TMEM267: variants seen among roughly 807,000 people sequenced by gnomAD.
TMEM267 encodes transmembrane protein 267.
A neutral mutation model predicts 19.3 loss-of-function variants in TMEM267; 20 were observed. The ratio of observed to expected loss-of-function variants is 1.04; its 90% CI spans 0.73 to 1.51. The LOEUF (loss-of-function observed/expected upper bound fraction) is 1.51, where lower values mean the gene tolerates loss of function less well. Ranked by LOEUF, TMEM267 falls within the 40% of genes most tolerant of loss-of-function variation. The pLI is 0.00. For synonymous variants in TMEM267, 88 were observed against 90.3 expected, an observed-to-expected ratio of 0.97 and a Z score of 0.15; for missense variants, 242 against 261.9, an observed-to-expected ratio of 0.92 and a Z score of 0.52.
intron 1 of TMEM267, among the ~76,000 whole-genome samples, chr5:43,483,157 A>G (rs1744895824): frequency 6.6e-6 from 1 of 152,248 alleles, no homozygotes; most frequent in African/African-American, 2.4e-5. Flanking sequence ...ACTAACTGAC[A>G]AAGGAAACAC....
At chr5:43,480,797 CTTTTTTTTTTTTT>C (rs869260304) in intron 1 of TMEM267, among the ~76,000 whole-genome samples, 1 of 79,582 alleles carries the variant, frequency 1.3e-5, no homozygotes, top group Non-Finnish European at 2.3e-5. Flanking sequence ...AATAATCTTA[CTTTTTTTTTTTTT>C]TTTTTTTTTT....
intron 1 of TMEM267, among the ~76,000 whole-genome samples, chr5:43,477,157 AC>A (rs1744476098): frequency 6.6e-6 from 1 of 152,080 alleles, no homozygotes; most frequent in Non-Finnish European, 1.5e-5. Flanking sequence ...GCCCTACTGC[AC>A]TCCAGCCTAA....
chr5:43,458,952 GA>G (rs1743103163), intron 1 of TMEM267, among the ~76,000 whole-genome samples: 1 of 149,142 alleles, frequency 6.7e-6, no homozygotes, highest in Admixed American at 6.7e-5. Context: ...GTTGGGCATT[GA>G]AAAAAAATTT....
chr5:43,467,269 T>C (rs960850061), intron 1 of TMEM267, among the ~76,000 whole-genome samples: 5 of 151,884 alleles, frequency 3.3e-5, no homozygotes, highest in Non-Finnish European at 7.4e-5. Context: ...ATGGACTAAA[T>C]TCTCTAATCA....
chr5:43,446,395 C>A lies in TMEM267; in HGVS notation c.475G>T (p.Asp159Tyr). ...ATCCACAAACCATGACGAATCCCAT[C>A]TCGGATATGATGTGAAGTCCAGGAT... The part of the protein sequence containing the change: ...FISWTSHHIR[D>Y]GIRHGLWICP... Residue 159 changes from aspartate (D) to tyrosine (Y), a missense_variant, in exon 3 of 3, where the codon GAT becomes TAT. By Grantham distance (160) the Asp-to-Tyr change is radical. Coordinates refer to ENST00000397080, the MANE Select transcript of TMEM267 (RefSeq NM_022483.5). 6.2e-7 allele frequency: 1 copy of A among 1,614,114 alleles called. No individual in the cohort carries two copies. Among genetic ancestry groups the A allele is most frequent in the Non-Finnish European group, 8.5e-7 (1 of 1,179,994 alleles).
At chr5:43,471,119 C>T (rs529170829) in intron 1 of TMEM267, among the ~76,000 whole-genome samples, 2 of 151,660 alleles carry the variant, frequency 1.3e-5, no homozygotes, top group East Asian at 3.9e-4. Flanking sequence ...AAGCAACATA[C>T]AAAAGTCACT....
intron 2 of TMEM267, among the ~76,000 whole-genome samples, chr5:43,449,546 A>G (rs1371231202): frequency 6.6e-6 from 1 of 152,242 alleles, no homozygotes; most frequent in East Asian, 1.9e-4. Context: ...AAGACAATTT[A>G]GTAGAGCTAT....
At chr5:43,469,987 T>C (rs1743966515) in intron 1 of TMEM267, among the ~76,000 whole-genome samples, 2 of 152,142 alleles carry the variant, frequency 1.3e-5, no homozygotes, top group South Asian at 4.1e-4. Context: ...TATGTAAAAA[T>C]GCAGATTCAC....
At chr5:43,481,792 G>C (rs943117217) in intron 1 of TMEM267, among the ~76,000 whole-genome samples, 9 of 152,064 alleles carry the variant, frequency 5.9e-5, no homozygotes, top group Non-Finnish European at 1.2e-4. Flanking sequence ...AGAACCGCCA[G>C]CTAAGTCTTG....
intron 2 of TMEM267, among the ~76,000 whole-genome samples, chr5:43,448,795 CA>C (rs200879598): frequency 0.015 from 2,155 of 148,614 alleles, 46 homozygotes; most frequent in African/African-American, 0.046. Flanking sequence ...CCCCCCCCCA[CA>C]AAAAAAACTA....
intron 2 of TMEM267, among the ~76,000 whole-genome samples, chr5:43,452,921 T>C (rs1256039873): frequency 6.6e-6 from 1 of 152,228 alleles, no homozygotes; most frequent in Admixed American, 6.5e-5. Context: ...CCTTGCTCTA[T>C]GAGTTTAGAT....
At chr5:43,456,859 T>C (rs1742982975) in intron 1 of TMEM267, among the ~76,000 whole-genome samples, 1 of 152,242 alleles carries the variant, frequency 6.6e-6, no homozygotes, top group South Asian at 2.1e-4. Flanking sequence ...AAGTTAAACG[T>C]ACTCTTACCA....
chr5:43,458,770 C>T (rs1325306767), intron 1 of TMEM267, among the ~76,000 whole-genome samples: 5 of 151,840 alleles, frequency 3.3e-5, no homozygotes, highest in Non-Finnish European at 7.4e-5. Context: ...AATATGAAAA[C>T]AAGAAACTAT....
intron 1 of TMEM267, among the ~76,000 whole-genome samples, chr5:43,482,538 T>C (rs1744849807): frequency 6.6e-6 from 1 of 152,232 alleles, no homozygotes; most frequent in African/African-American, 2.4e-5. Flanking sequence ...TCTTTTAAAC[T>C]TGTCATGTTT....
At chr5:43,451,455 T>G (rs1742583340) in intron 2 of TMEM267, among the ~76,000 whole-genome samples, 1 of 151,996 alleles carries the variant, frequency 6.6e-6, no homozygotes. Context: ...TGAACAGACA[T>G]TTTTCAAAAG....
At chr5:43,451,786 T>A (rs922348578) in intron 2 of TMEM267, among the ~76,000 whole-genome samples, 2 of 152,144 alleles carry the variant, frequency 1.3e-5, no homozygotes, top group African/African-American at 2.4e-5. Context: ...ATAAAAAACT[T>A]AATCATTGCC....
intron 1 of TMEM267, among the ~76,000 whole-genome samples, chr5:43,466,619 C>CG (rs956808138): frequency 5.9e-5 from 9 of 151,970 alleles, no homozygotes; most frequent in Non-Finnish European, 7.4e-5. Context: ...AAAAAGTAGG[C>CG]GGGGGGGATG....
intron 1 of TMEM267, among the ~76,000 whole-genome samples, chr5:43,474,567 C>A (rs1302257365): frequency 6.6e-6 from 1 of 152,080 alleles, no homozygotes; most frequent in East Asian, 1.9e-4. Flanking sequence ...CGAGACCAGC[C>A]TGACCAACAC....
intron 2 of TMEM267, among the ~76,000 whole-genome samples, chr5:43,450,543 G>A (rs1742523896): frequency 6.6e-6 from 1 of 152,140 alleles, no homozygotes; most frequent in African/African-American, 2.4e-5. Context: ...ACTCTATGTG[G>A]TAGGTAGCAT....
Sources: gnomAD v4.1 joint callset for allele counts (sites outside exome capture counted in the v4.1 genomes callset) on GRCh38, gnomAD v4.1.1 for gene constraint, MANE v1.5 for transcripts, NCBI Gene and HGNC (gene_info 2026-07-23, HGNC 2026-07-21) for gene names.